The following IL7 variants were observed in gnomAD, a reference collection of about 807,000 sequenced individuals.
IL7 encodes interleukin 7, also known as interleukin-7.
Under a neutral mutation model 21.6 loss-of-function variants are expected in IL7, and 3 were observed. The ratio of observed to expected loss-of-function variants is 0.14; its 90% CI spans 0.06 to 0.36. The LOEUF (loss-of-function observed/expected upper bound fraction) is 0.36, where lower values mean the gene tolerates loss of function less well. Among genes scored for constraint, IL7 ranks in the 10% least tolerant of loss-of-function variants. IL7 has a pLI of 1.00. For missense variants in IL7, 175 were observed against 200.2 expected, an observed-to-expected ratio of 0.87 and a Z score of 0.76; for synonymous variants, 62 against 68.1, an observed-to-expected ratio of 0.91 and a Z score of 0.44.
intron 2 of IL7, among the ~76,000 whole-genome samples, chr8:78,769,787 C>T (rs1268399037): frequency 1.3e-5 from 2 of 152,142 alleles, no homozygotes; most frequent in Non-Finnish European, 2.9e-5. Context: ...TCAAACTATA[C>T]TACAAGGCTA....
Position 78,804,937 on chromosome 8 carries a change from G to T in IL7, c.-15C>A. 6.2e-7 allele frequency: 1 copy of T among 1,611,560 alleles called. No individual in the cohort carries two copies. The highest frequency in any genetic ancestry group is 8.5e-7 in the Non-Finnish European group (1 of 1,178,466). On this transcript the variant is annotated 5_prime_UTR_variant, in exon 1 of 6. Transcript: ENST00000263851. ...CCATGGAACATGGTCTGCGGGAGGC[G>T]GGCGTAGTCATGATGACCGCAACTG...
intron 5 of IL7, 45 bp downstream of exon 5, chr8:78,736,429 T>A: frequency 8.1e-7 from 1 of 1,236,912 alleles, no homozygotes; most frequent in Non-Finnish European, 1.2e-6. Context: ...TTAAGTTGAG[T>A]AAAAACCTGA....
chr8:78,686,412 T>C, intron 3 of IL7: 1 of 1,250,200 alleles, frequency 8.0e-7, no homozygotes, highest in Non-Finnish European at 1.0e-6. Context: ...TATTTCAATA[T>C]ACTAAAAAGA....
At chr8:78,763,687 TA>T (rs1812653766) in intron 2 of IL7, among the ~76,000 whole-genome samples, 1 of 152,146 alleles carries the variant, frequency 6.6e-6, no homozygotes. Flanking sequence ...AAAATGATGT[TA>T]CAAAACAAAA....
exon 5 of IL7, chr8:78,675,972 A>C: frequency 1.1e-6 from 1 of 881,114 alleles, no homozygotes; most frequent in Non-Finnish European, 1.8e-6. Flanking sequence ...TTGAAGAGTT[A>C]ATGGGTACTA....
chr8:78,794,117 T>A (rs962096061), intron 2 of IL7, among the ~76,000 whole-genome samples: 5 of 152,174 alleles, frequency 3.3e-5, no homozygotes, highest in Admixed American at 2.6e-4. Flanking sequence ...AATCAACTTC[T>A]TCCGAACTCC....
At position 78,733,791 on chromosome 8, in the gene IL7, G is replaced by C; in HGVS notation, c.456C>G (p.Asp152Glu). 6.3e-7 allele frequency: 1 copy of C among 1,588,944 alleles called. No individual in the cohort carries two copies. The highest frequency in any genetic ancestry group is 8.6e-7 in the Non-Finnish European group (1 of 1,168,440). ...GTAATAGTCTCTTTAGGAAACACAA[G>C]TCATTCAGTTTTTTCTGTTCCTTTA... is the stretch of plus-strand genomic sequence containing the variant. The part of the protein sequence containing the change: ...KSLKEQKKLN[D>E]LCFLKRLLQE... The change falls in exon 6 of 6, where the codon GAC becomes GAG. Residue 152 changes from aspartate to glutamate, a missense_variant. Transcript: ENST00000263851.
intron 2 of IL7, 78 bp from the exon 3 acceptor site, chr8:78,740,160 C>G (rs1811731247): frequency 2.5e-6 from 2 of 812,898 alleles, no homozygotes; most frequent in Non-Finnish European, 3.3e-6. Context: ...AAATAATAAT[C>G]TTATAATATC....
chr8:78,772,681 C>A (rs1194966225), intron 2 of IL7, among the ~76,000 whole-genome samples: 2 of 152,164 alleles, frequency 1.3e-5, no homozygotes, highest in Non-Finnish European at 2.9e-5. Flanking sequence ...TATTTCTCAT[C>A]ACAAAAACAT....
At chr8:78,775,972 C>T (rs1302388091) in intron 2 of IL7, among the ~76,000 whole-genome samples, 1 of 151,992 alleles carries the variant, frequency 6.6e-6, no homozygotes, top group Admixed American at 6.6e-5. Context: ...GGATACTTTC[C>T]AAGGCCACCA....
chr8:78,694,126 G>T (rs569257299), intron 3 of IL7, among the ~76,000 whole-genome samples: 1 of 151,968 alleles, frequency 6.6e-6, no homozygotes, highest in South Asian at 2.1e-4. Flanking sequence ...CTTGCAGTTG[G>T]CTGGCTATTT....
chr8:78,695,812 G>A (rs191198028), intron 3 of IL7, among the ~76,000 whole-genome samples: 1 of 152,154 alleles, frequency 6.6e-6, no homozygotes, highest in Non-Finnish European at 1.5e-5. Context: ...TATTTTTCAG[G>A]TGCTGGCATA....
intron 3 of IL7, among the ~76,000 whole-genome samples, chr8:78,725,128 A>G (rs1004604015): frequency 1.3e-5 from 2 of 152,042 alleles, no homozygotes; most frequent in Non-Finnish European, 2.9e-5. Context: ...ATAGTTTTCT[A>G]TACTTTCTTA....
chr8:78,696,598 A>C (rs536754269), intron 3 of IL7, among the ~76,000 whole-genome samples: 1 of 152,326 alleles, frequency 6.6e-6, no homozygotes, highest in East Asian at 1.9e-4. Flanking sequence ...AAAATTAATA[A>C]AGATGTCTCT....
At chr8:78,697,516 G>C in intron 3 of IL7, 1 of 1,598,854 alleles carries the variant, frequency 6.3e-7, no homozygotes, top group Non-Finnish European at 8.5e-7. Flanking sequence ...GGTAATGATA[G>C]CCGAAAAGCA....
intron 4 of IL7, among the ~76,000 whole-genome samples, chr8:78,676,968 A>G (rs1435742006): frequency 1.3e-5 from 2 of 152,216 alleles, no homozygotes; most frequent in African/African-American, 4.8e-5. Context: ...TGGGTCCACT[A>G]GATAGTCATC....
At chr8:78,718,518 T>C (rs919887370) in intron 6 of IL7, 1 of 151,930 alleles carries the variant, frequency 6.6e-6, no homozygotes, top group African/African-American at 2.4e-5. Flanking sequence ...TTCTTGGAAG[T>C]ACATGTAGTT....
chr8:78,772,958 T>C (rs1432994346), intron 2 of IL7, among the ~76,000 whole-genome samples: 1 of 152,174 alleles, frequency 6.6e-6, no homozygotes, highest in Non-Finnish European at 1.5e-5. Context: ...ATGAGCACCT[T>C]CGTCTTGCAT....
At chr8:78,706,809 G>A (rs1161268770) in intron 3 of IL7, among the ~76,000 whole-genome samples, 1 of 151,944 alleles carries the variant, frequency 6.6e-6, no homozygotes, top group Non-Finnish European at 1.5e-5. Flanking sequence ...ACTACATTTT[G>A]CTTCTCAATT....
Sources: gnomAD v4.1 joint callset for allele counts (sites outside exome capture counted in the v4.1 genomes callset) on GRCh38, gnomAD v4.1.1 for gene constraint, MANE v1.5 for transcripts, NCBI Gene and HGNC (gene_info 2026-07-23, HGNC 2026-07-21) for gene names.